The following PLA2R1 variants were observed in gnomAD, a reference collection of about 807,000 sequenced individuals.
PLA2R1 encodes the protein secretory phospholipase A2 receptor.
PLA2R1 carries 158 observed loss-of-function variants against 195.9 expected under a neutral mutation model. That is an observed-to-expected ratio of 0.81 (90% confidence interval 0.71 to 0.92). The LOEUF (loss-of-function observed/expected upper bound fraction) is 0.92, where lower values mean the gene tolerates loss of function less well. Among genes scored for constraint, PLA2R1 ranks in the 40% least tolerant of loss-of-function variants. PLA2R1 has a pLI of 0.00. For synonymous variants in PLA2R1, 586 were observed against 598.2 expected (o/e 0.98, Z 0.30); for missense variants, 1,626 against 1,764.6 (o/e 0.92, Z 1.41).
intron 12 of PLA2R1, among the ~76,000 whole-genome samples, chr2:159,986,098 C>T (rs1366193428): frequency 6.6e-6 from 1 of 152,064 alleles, no homozygotes; most frequent in African/African-American, 2.4e-5. Flanking sequence ...GAATGGCTCA[C>T]CATGGATCCT....
intron 23 of PLA2R1, among the ~76,000 whole-genome samples, chr2:159,952,111 T>A (rs895397583): frequency 1.2e-4 from 18 of 152,236 alleles, no homozygotes; most frequent in Non-Finnish European, 2.4e-4. Context: ...AAAGGAATTT[T>A]AAAAAATAAA....
rs1381754800 is a variant in PLA2R1 at position 159,941,041 on chromosome 2, A to G, written c.*737T>C. 3 of 152,232 alleles carry G rather than the reference A, an allele frequency of 2.0e-5. No individual in the cohort carries two copies. Among genetic ancestry groups the G allele is most frequent in the Non-Finnish European group, 4.4e-5 (3 of 68,032 alleles). 9.4% of individuals were successfully genotyped at this position (152,232 alleles called of 1,614,324 possible). On this transcript the variant is annotated 3_prime_UTR_variant, in exon 30 of 30. Transcript: ENST00000283243. ...AAGCTTATGTATAAGACATTTTAAA[A>G]TATCCAACTTAATCATCATTTAGTA...
intron 17 of PLA2R1, 44 bp downstream of exon 17, chr2:159,976,024 G>A (rs760626161): frequency 2.1e-5 from 28 of 1,332,906 alleles, no homozygotes; most frequent in Middle Eastern, 3.7e-4. Context: ...GGCAAAAGAA[G>A]GTGCTAAACT....
chr2:159,926,487 T>C, the PLA2R1 span, among the ~76,000 whole-genome samples: 3 of 152,274 alleles, frequency 2.0e-5, no homozygotes, highest in Admixed American at 1.3e-4. Context: ...CAGAGTCTAG[T>C]AGGGCTGAAC....
chr2:160,033,399 A>G lies in PLA2R1; in HGVS notation c.668-267T>C, dbSNP rs186284987. 1.6e-3 allele frequency among the ~76,000 whole-genome samples: 244 copies of G among 152,376 alleles called. 1 individual carries two copies. The highest frequency in any genetic ancestry group is 4.9e-3 in the African/African-American group (204 of 41,592). On this transcript the variant is annotated intron_variant, in intron 3 of 29. Coordinates refer to ENST00000283243, the MANE Select transcript of PLA2R1 (RefSeq NM_007366.5). ...CCTTTCCAGAGTAATAATAGGAACC[A>G]GTTTTAAGAGAAGGAAGTAGAAGCG...
In PLA2R1 at chr2:160,051,326, T is replaced by G. The variant is rs567022710; in HGVS notation, c.110-6169A>C. Among the ~76,000 whole-genome samples the G allele has an allele frequency of 1.4e-4, 22 of 152,354 alleles. No homozygotes were observed. The South Asian group carries it at 4.6e-3, about 32-fold the overall frequency. On this transcript the variant is annotated intron_variant, in intron 1 of 29. Transcript: ENST00000283243. ...AGGCTGCAACCCAATTTCAATCTCC[T>G]ACCCCAGTCCATAGGTTTGAAATTG...
intron 3 of PLA2R1, among the ~76,000 whole-genome samples, chr2:160,036,796 T>C (rs1290425412): frequency 1.3e-5 from 2 of 152,240 alleles, no homozygotes; most frequent in East Asian, 1.9e-4. Context: ...AAGCCTTTGT[T>C]GTTGTTTAGT....
intron 6 of PLA2R1, among the ~76,000 whole-genome samples, chr2:160,025,059 G>T (rs1693411933): frequency 6.6e-6 from 1 of 152,156 alleles, no homozygotes; most frequent in Non-Finnish European, 1.5e-5. Flanking sequence ...CCAAGTTACA[G>T]CCGTGCCCTG....
intron 8 of PLA2R1, among the ~76,000 whole-genome samples, chr2:160,019,632 A>C (rs1692976445): frequency 6.6e-6 from 1 of 152,186 alleles, no homozygotes. Flanking sequence ...ATTGGTTCCT[A>C]TACCACAGTC....
At chr2:160,052,810 G>A (rs1202257317) in intron 1 of PLA2R1, among the ~76,000 whole-genome samples, 1 of 152,138 alleles carries the variant, frequency 6.6e-6, no homozygotes, top group Non-Finnish European at 1.5e-5. Flanking sequence ...GAAATGATAT[G>A]GCATTACTGA....
At chr2:160,036,896 A>C (rs916512994) in intron 3 of PLA2R1, among the ~76,000 whole-genome samples, 1 of 126,804 alleles carries the variant, frequency 7.9e-6, no homozygotes, top group Non-Finnish European at 2.0e-5. Context: ...GAAAAATGGA[A>C]CGGGGGAGGT....
At chr2:160,050,386 G>A (rs1695141902) in intron 1 of PLA2R1, among the ~76,000 whole-genome samples, 2 of 152,154 alleles carry the variant, frequency 1.3e-5, no homozygotes, top group African/African-American at 2.4e-5. Flanking sequence ...ACCCTGAACC[G>A]TGAACTTCAG....
intron 23 of PLA2R1, among the ~76,000 whole-genome samples, chr2:159,953,953 C>A (rs1278753401): frequency 6.6e-6 from 1 of 152,178 alleles, no homozygotes; most frequent in Admixed American, 6.5e-5. Flanking sequence ...CATGCCTCAG[C>A]CTCCCTAGTA....
the PLA2R1 span, among the ~76,000 whole-genome samples, chr2:159,924,793 G>A: frequency 1.2e-4 from 19 of 152,230 alleles, no homozygotes; most frequent in East Asian, 3.5e-3. Flanking sequence ...AGTGGATTTG[G>A]GGTCGTGTTC....
intron 2 of PLA2R1, among the ~76,000 whole-genome samples, chr2:160,042,862 A>G (rs73967993): frequency 3.9e-5 from 2 of 50,830 alleles, no homozygotes; most frequent in African/African-American, 8.1e-5. Context: ...ACAGAGGGAG[A>G]GAGAGAGAGA....
At chr2:160,000,516 CATAA>C (rs1407814572) in intron 11 of PLA2R1, among the ~76,000 whole-genome samples, 1 of 152,016 alleles carries the variant, frequency 6.6e-6, no homozygotes, top group Non-Finnish European at 1.5e-5. Flanking sequence ...AGAGAACTCC[CATAA>C]ATAAAGTACA....
chr2:160,014,198 G>C (rs1014659944), intron 9 of PLA2R1, among the ~76,000 whole-genome samples: 5 of 151,464 alleles, frequency 3.3e-5, no homozygotes, highest in Non-Finnish European at 5.9e-5. Context: ...CTTCCAAATA[G>C]AGAATGGCCA....
chr2:159,965,779 GT>G (rs1261499810), intron 20 of PLA2R1, among the ~76,000 whole-genome samples: 1 of 152,210 alleles, frequency 6.6e-6, no homozygotes, highest in Admixed American at 6.5e-5. Context: ...GAGAGCTCCT[GT>G]TGTTCGGCCT....
intron 13 of PLA2R1, 68 bp from the exon 14 acceptor site, chr2:159,979,982 A>C: frequency 1.1e-6 from 1 of 890,108 alleles, no homozygotes; most frequent in Non-Finnish European, 1.8e-6. Context: ...AAAGGTTCAA[A>C]AAATACCAGC....
Sources: gnomAD v4.1 joint callset for allele counts (sites outside exome capture counted in the v4.1 genomes callset) on GRCh38, gnomAD v4.1.1 for gene constraint, MANE v1.5 for transcripts, NCBI Gene and HGNC (gene_info 2026-07-23, HGNC 2026-07-21) for gene names.